Variants in TAAR5 observed in about 807,000 individuals in gnomAD.
TAAR5 encodes trace amine associated receptor 5.
Under a neutral mutation model 21.1 loss-of-function variants are expected in TAAR5, and 27 were observed. That is an observed-to-expected ratio of 1.28 (90% confidence interval 0.94 to 1.76). The LOEUF (loss-of-function observed/expected upper bound fraction) is 1.76, where lower values mean the gene tolerates loss of function less well. Ranked by LOEUF, TAAR5 falls within the 40% of genes most tolerant of loss-of-function variation. The pLI, the probability that TAAR5 is intolerant of heterozygous loss-of-function variation, is 0.00. For missense variants in TAAR5, 495 were observed against 405.6 expected (o/e 1.22, Z -1.89); for synonymous variants, 203 against 167.5 (o/e 1.21, Z -1.64).
the TAAR5 span, among the ~76,000 whole-genome samples, chr6:132,614,242 A>G: frequency 1.3e-3 from 198 of 152,350 alleles, 1 homozygote; most frequent in South Asian, 0.018. Flanking sequence ...CAAAGAGGAA[A>G]GTGCATTTTA....
chr6:132,589,812 G>A, upstream of TAAR5: 1 of 777,060 alleles, frequency 1.3e-6, no homozygotes. Flanking sequence ...GAAACGAAGA[G>A]GAAGAAACTA....
the TAAR5 span, among the ~76,000 whole-genome samples, chr6:132,602,847 T>TAA: frequency 0.02 from 2,881 of 146,726 alleles, 44 homozygotes; most frequent in Middle Eastern, 0.059. Context: ...GGCTATGGAT[T>TAA]AAAAAAAAAA....
chr6:132,607,711 G>A, the TAAR5 span, among the ~76,000 whole-genome samples: 1 of 152,128 alleles, frequency 6.6e-6, no homozygotes, highest in South Asian at 2.1e-4. Flanking sequence ...TGAGCCTAAA[G>A]GTATCAGAAA....
chr6:132,600,102 G>T, the TAAR5 span, among the ~76,000 whole-genome samples: 1 of 152,272 alleles, frequency 6.6e-6, no homozygotes, highest in African/African-American at 2.4e-5. Flanking sequence ...TAGAAGCACA[G>T]AACAGGGGCC....
upstream of TAAR5, among the ~76,000 whole-genome samples, chr6:132,592,236 T>G (rs1394901471): frequency 6.6e-6 from 1 of 152,232 alleles, no homozygotes; most frequent in Non-Finnish European, 1.5e-5. Context: ...CCTCTGCACT[T>G]TACTTACTAG....
the TAAR5 span, among the ~76,000 whole-genome samples, chr6:132,599,399 G>C: frequency 1.4e-5 from 2 of 144,516 alleles, no homozygotes; most frequent in Non-Finnish European, 3.0e-5. Flanking sequence ...GTGGATCTTG[G>C]CTTGCTGCAA....
At chr6:132,614,040 A>C in the TAAR5 span, among the ~76,000 whole-genome samples, 1 of 152,228 alleles carries the variant, frequency 6.6e-6, no homozygotes, top group Non-Finnish European at 1.5e-5. Flanking sequence ...CAGCAAAGGA[A>C]GATATGAGCT....
At chr6:132,608,647 G>T in the TAAR5 span, 1 of 455,974 alleles carries the variant, frequency 2.2e-6, no homozygotes. Context: ...AACCATGATG[G>T]AGCCAGGGGT....
the TAAR5 span, among the ~76,000 whole-genome samples, chr6:132,615,708 G>A: frequency 2.0e-5 from 3 of 151,894 alleles, no homozygotes; most frequent in Non-Finnish European, 4.4e-5. Context: ...GGGTGATTAT[G>A]TTTTGAAACA....
upstream of TAAR5, among the ~76,000 whole-genome samples, chr6:132,590,547 G>A (rs1481690438): frequency 6.6e-6 from 1 of 152,174 alleles, no homozygotes; most frequent in African/African-American, 2.4e-5. Flanking sequence ...GGAGCAGGTG[G>A]ACACAGGGAA....
At chr6:132,596,036 T>C in the TAAR5 span, among the ~76,000 whole-genome samples, 1 of 151,922 alleles carries the variant, frequency 6.6e-6, no homozygotes, top group Non-Finnish European at 1.5e-5. Flanking sequence ...TTGAGCTATA[T>C]TATGGCAAAT....
At chr6:132,600,872 A>AAGGAAGGAAGGAGG in the TAAR5 span, among the ~76,000 whole-genome samples, 30 of 22,400 alleles carry the variant, frequency 1.3e-3, no homozygotes, top group East Asian at 2.8e-3. Flanking sequence ...AAGGAAGGAG[A>AAGGAAGGAAGGAGG]GAGGGAAGGA....
At chr6:132,596,450 T>A in the TAAR5 span, among the ~76,000 whole-genome samples, 1 of 152,138 alleles carries the variant, frequency 6.6e-6, no homozygotes, top group East Asian at 1.9e-4. Context: ...AATGGTCCTT[T>A]GGGAAAATGA....
At chr6:132,597,299 C>A in the TAAR5 span, among the ~76,000 whole-genome samples, 1 of 149,546 alleles carries the variant, frequency 6.7e-6, no homozygotes, top group African/African-American at 2.5e-5. Context: ...GAGTAAGACA[C>A]CCACATATAT....
At chr6:132,590,634 C>T (rs1776892917), upstream of TAAR5, among the ~76,000 whole-genome samples, 1 of 152,320 alleles carries the variant, frequency 6.6e-6, no homozygotes, top group South Asian at 2.1e-4. Flanking sequence ...ATAGAAACTA[C>T]TCCTCCATGT....
At chr6:132,599,323 CTTTTTTTTTTT>C in the TAAR5 span, among the ~76,000 whole-genome samples, 8 of 98,464 alleles carry the variant, frequency 8.1e-5, no homozygotes, top group East Asian at 1.3e-3. Context: ...CTTTTCTTTT[CTTTTTTTTTTT>C]TTTTTTTTTT....
the TAAR5 span, among the ~76,000 whole-genome samples, chr6:132,611,480 T>C: frequency 2.6e-3 from 392 of 152,318 alleles, 3 homozygotes; most frequent in African/African-American, 9.1e-3. Flanking sequence ...CTTGAGATGA[T>C]GGATACTCCA....
At chr6:132,607,614 G>A in the TAAR5 span, among the ~76,000 whole-genome samples, 1 of 152,118 alleles carries the variant, frequency 6.6e-6, no homozygotes, top group South Asian at 2.1e-4. Context: ...CACTTCAAAT[G>A]TAAACCACAA....
chr6:132,593,654 A>G (rs548950717), upstream of TAAR5, among the ~76,000 whole-genome samples: 3 of 152,278 alleles, frequency 2.0e-5, no homozygotes, highest in South Asian at 4.1e-4. Flanking sequence ...AGGATAATGA[A>G]TATATGTACA....
Sources: gnomAD v4.1 joint callset for allele counts (sites outside exome capture counted in the v4.1 genomes callset) on GRCh38, gnomAD v4.1.1 for gene constraint, MANE v1.5 for transcripts, NCBI Gene and HGNC (gene_info 2026-07-23, HGNC 2026-07-21) for gene names.